The following EML6 variants were observed in gnomAD, a reference collection of about 807,000 sequenced individuals.
EML6 encodes the protein EMAP like 6.
Under a neutral mutation model 240.1 loss-of-function variants are expected in EML6, and 154 were observed. The ratio of observed to expected loss-of-function variants is 0.64; its 90% CI spans 0.56 to 0.73. The LOEUF is 0.73. Ranked by LOEUF, EML6 falls within the 30% of genes least tolerant of loss-of-function variation. EML6 has a pLI of 0.00. For missense variants in EML6, 2,964 were observed against 2,474.6 expected (o/e 1.20, Z -4.20); for synonymous variants, 1,148 against 899.0 (o/e 1.28, Z -4.95).
intron 35 of EML6, among the ~76,000 whole-genome samples, chr2:54,961,601 G>A (rs749443435): frequency 1.3e-5 from 2 of 152,142 alleles, no homozygotes; most frequent in Non-Finnish European, 2.9e-5. Flanking sequence ...GGCAGAGGCT[G>A]GGTGATGGAG....
At chr2:54,962,004 AAAAAACAAAC>A (rs1382252756) in intron 35 of EML6, among the ~76,000 whole-genome samples, 1 of 151,306 alleles carries the variant, frequency 6.6e-6, no homozygotes, top group African/African-American at 2.4e-5. Context: ...ACCCTGCCTC[AAAAAACAAAC>A]AAAAACAACA....
chr2:54,805,953 G>A (rs1010700566), intron 2 of EML6, among the ~76,000 whole-genome samples: 2 of 152,008 alleles, frequency 1.3e-5, no homozygotes, highest in African/African-American at 2.4e-5. Flanking sequence ...GAAATGAGTT[G>A]ATCATATAAA....
In EML6 at chr2:54,820,475, GTT is replaced by G; in HGVS notation, c.525+18_525+19del. ...AAAACACATAAAGGTAAAGCTTTTT[GTT>G]TTTTAATTTTGGTACCTTGAGTGCA... On this transcript the variant is annotated intron_variant, in intron 5 of 41. Coordinates refer to ENST00000356458, the MANE Select transcript of EML6 (RefSeq NM_001039753.4). The G allele has an allele frequency of 6.6e-7, 1 of 1,517,648 alleles. No individual in the cohort carries two copies. Among genetic ancestry groups the G allele is most frequent in the Non-Finnish European group, 8.9e-7 (1 of 1,121,902 alleles). The allele number at this position is 1,517,648 out of a possible 1,614,324, so 94.0% of individuals were successfully genotyped here.
chr2:54,829,291 A>C, intron 6 of EML6, 51 bp from the exon 7 acceptor site: 1 of 1,514,774 alleles, frequency 6.6e-7, no homozygotes, highest in Non-Finnish European at 8.9e-7. Flanking sequence ...GTATCTATTC[A>C]TTATACTTAG....
chr2:54,967,518 A>G (rs917411188), intron 39 of EML6, among the ~76,000 whole-genome samples: 2 of 152,166 alleles, frequency 1.3e-5, no homozygotes, highest in African/African-American at 4.8e-5. Flanking sequence ...TGTGAGTTGA[A>G]AGGAACCCCT....
chr2:54,813,574 A>C (rs866267359), intron 3 of EML6, among the ~76,000 whole-genome samples, 183 bp downstream of exon 3: 1 of 152,186 alleles, frequency 6.6e-6, no homozygotes, highest in South Asian at 2.1e-4. Context: ...AACTCTGGAC[A>C]GGCCTTGGTT....
chr2:54,759,646 T>G (rs908286990), intron 2 of EML6, among the ~76,000 whole-genome samples: 2 of 152,070 alleles, frequency 1.3e-5, no homozygotes, highest in Non-Finnish European at 2.9e-5. Flanking sequence ...AAACTTTACA[T>G]GTACCAACTC....
intron 24 of EML6, among the ~76,000 whole-genome samples, chr2:54,909,886 A>G (rs576716892): frequency 6.6e-6 from 1 of 151,616 alleles, no homozygotes; most frequent in Non-Finnish European, 1.5e-5. Context: ...TAGCCAAGCT[A>G]GATTTCAGAT....
At chr2:54,805,892 C>G (rs1295586999) in intron 2 of EML6, among the ~76,000 whole-genome samples, 6 of 152,114 alleles carry the variant, frequency 3.9e-5, no homozygotes, top group Admixed American at 3.9e-4. Flanking sequence ...CCAGCACTGT[C>G]TGTTGAAAAA....
At chr2:54,933,486 G>C (rs1170815460) in intron 28 of EML6, among the ~76,000 whole-genome samples, 5 of 152,106 alleles carry the variant, frequency 3.3e-5, no homozygotes, top group Non-Finnish European at 4.4e-5. Flanking sequence ...TGTAATCCCA[G>C]AATTTGGGAA....
At position 54,959,195 on chromosome 2, in the gene EML6, G is replaced by T; in HGVS notation, c.4787G>T (p.Gly1596Val). The T allele has an allele frequency of 1.9e-6, 3 of 1,551,650 alleles. No homozygotes were observed. The highest frequency in any genetic ancestry group is 2.6e-6 in the Non-Finnish European group (3 of 1,146,970). ...CGGCTGGTGGCCAAGGCTCACACAGGCCCCGTGTTCACAATGTACACAACC... is the reference window on the plus strand; with the variant it reads ...CGGCTGGTGGCCAAGGCTCACACAGTCCCCGTGTTCACAATGTACACAACC... Reference protein sequence around the residue: ...LIRLVAKAHTGPVFTMYTTLR... With the variant: ...LIRLVAKAHTVPVFTMYTTLR... Residue 1596 changes from glycine to valine, a missense_variant, in exon 34 of 42, where the codon GGC becomes GTC. By Grantham distance (109) the Gly-to-Val change is moderately radical. Transcript: ENST00000356458.
chr2:54,797,164 C>CAAAAAAAAAAAAA (rs773498648), intron 2 of EML6, among the ~76,000 whole-genome samples: 2 of 43,826 alleles, frequency 4.6e-5, no homozygotes, highest in African/African-American at 1.9e-4. Context: ...GACTCCATCT[C>CAAAAAAAAAAAAA]AAAAAAAAAA....
chr2:54,914,472 C>T (rs571617793), intron 25 of EML6, among the ~76,000 whole-genome samples: 6 of 152,316 alleles, frequency 3.9e-5, no homozygotes, highest in South Asian at 2.1e-4. Context: ...TGGCTTGGAA[C>T]AGATGAGCAA....
At chr2:54,734,536 G>C (rs1683310929) in intron 2 of EML6, among the ~76,000 whole-genome samples, 1 of 152,184 alleles carries the variant, frequency 6.6e-6, no homozygotes, top group African/African-American at 2.4e-5. Context: ...CTGGTGTCAG[G>C]GGTGATGGGT....
chr2:54,819,773 G>GAAAAAAAAAA (rs375657743), intron 4 of EML6, among the ~76,000 whole-genome samples: 2 of 123,136 alleles, frequency 1.6e-5, no homozygotes, highest in Non-Finnish European at 3.2e-5. Context: ...GACTGTCTCA[G>GAAAAAAAAAA]AAAAAAAAAA....
chr2:54,954,041 G>T lies in EML6; in HGVS notation c.4371G>T (p.Leu1457=). The T allele has an allele frequency of 6.4e-7, 1 of 1,551,950 alleles. No homozygotes were observed. The highest frequency in any genetic ancestry group is 8.7e-7 in the Non-Finnish European group (1 of 1,147,030). The change falls in exon 32 of 42, where the codon CTG becomes CTT. Residue 1457 remains leucine, a synonymous_variant. Transcript: ENST00000356458. ...DAMTKHTLSM[L]RCFHSKGVNY... ...TGACCAAACACACCCTCTCCATGCT[G>T]CGGTGCTTCCACTCCAAGGGGGTGA...
chr2:54,897,304 A>C (rs888118022), intron 21 of EML6, among the ~76,000 whole-genome samples: 1 of 152,178 alleles, frequency 6.6e-6, no homozygotes, highest in African/African-American at 2.4e-5. Context: ...ATTCTCTACA[A>C]TTCTATTCTT....
chr2:54,788,000 C>T (rs1171002312), intron 2 of EML6, among the ~76,000 whole-genome samples: 1 of 152,182 alleles, frequency 6.6e-6, no homozygotes, highest in Non-Finnish European at 1.5e-5. Flanking sequence ...AAACCCAGCA[C>T]ACCCCACAGC....
chr2:54,806,758 C>A (rs1259744470), intron 2 of EML6, among the ~76,000 whole-genome samples: 1 of 150,758 alleles, frequency 6.6e-6, no homozygotes. Flanking sequence ...CTGTTTTAAT[C>A]ACTGCTTTAG....
Sources: allele counts gnomAD v4.1 joint callset (sites outside exome capture counted in the v4.1 genomes callset), GRCh38; gene constraint gnomAD v4.1.1; transcripts MANE v1.5; gene names NCBI Gene and HGNC (gene_info 2026-07-23, HGNC 2026-07-21).